Variants in RPS6KA3 observed in about 807,000 individuals in gnomAD.
RPS6KA3 encodes the protein ribosomal protein S6 kinase alpha-3.
A neutral mutation model predicts 67.2 loss-of-function variants in RPS6KA3; 4 were observed. That is an observed-to-expected ratio of 0.06 (90% confidence interval 0.03 to 0.14). The LOEUF (loss-of-function observed/expected upper bound fraction) is 0.14. Ranked by LOEUF, RPS6KA3 falls within the 10% of genes least tolerant of loss-of-function variation. The probability of loss-of-function intolerance (pLI) is 1.00; values close to 1 mark genes in which losing one functional copy is unlikely to be tolerated. For synonymous variants in RPS6KA3, 182 were observed against 183.7 expected (o/e 0.99, Z 0.07); for missense variants, 204 against 559.0 (o/e 0.36, Z 6.40).
At chrX:20,258,614 C>G (rs781576079) in intron 1 of RPS6KA3, among the ~76,000 whole-genome samples, 1 of 111,563 alleles carries the variant, frequency 9.0e-6, no homozygotes, top group African/African-American at 3.2e-5. Context: ...ATGACCAGGT[C>G]AGATTTGAAG....
chrX:20,202,557 C>T (rs57869492), intron 4 of RPS6KA3, among the ~76,000 whole-genome samples: 9,447 of 110,792 alleles, frequency 0.085, 781 homozygotes, highest in African/African-American at 0.26. Context: ...TCTGAATTAT[C>T]TTGTTAAGTT....
chrX:20,247,227 A>T (rs1455822047), intron 1 of RPS6KA3, among the ~76,000 whole-genome samples: 1 of 109,479 alleles, frequency 9.1e-6, no homozygotes, highest in South Asian at 3.9e-4. Flanking sequence ...GGAGTTCAAG[A>T]CCAGCCTGGC....
At chrX:20,250,067 C>A (rs2069820507) in intron 1 of RPS6KA3, among the ~76,000 whole-genome samples, 1 of 112,393 alleles carries the variant, frequency 8.9e-6, no homozygotes, top group Non-Finnish European at 1.9e-5. Context: ...GTTGGCTGTA[C>A]TTACGTGGGT....
At position 20,266,728 on chromosome X, in the gene RPS6KA3, C is replaced by G; in HGVS notation, c.-96G>C. 1 of 250,805 alleles carries G rather than the reference C, an allele frequency of 4.0e-6. No individual in the cohort carries two copies. Among genetic ancestry groups the G allele is most frequent in the South Asian group, 2.3e-4 (1 of 4,413 alleles). 20.7% of individuals were successfully genotyped at this position (250,805 alleles called of 1,213,427 possible). On this transcript the variant is annotated 5_prime_UTR_variant, in exon 1 of 22. Coordinates refer to ENST00000379565, the MANE Select transcript of RPS6KA3 (RefSeq NM_004586.3). ...CGCCGCCCGAGCCCCACGGCAGCGG[C>G]GGCGGCGGCGGCGGCGGCGGCAGCG...
chrX:20,179,723 A>T (rs747779844), intron 10 of RPS6KA3, among the ~76,000 whole-genome samples: 80 of 111,658 alleles, frequency 7.2e-4, no homozygotes, highest in South Asian at 1.5e-3. Flanking sequence ...AAGTAATTAA[A>T]TCATCATAGT....
intron 20 of RPS6KA3, among the ~76,000 whole-genome samples, chrX:20,159,022 T>C (rs1328557184): frequency 1.8e-5 from 2 of 112,422 alleles, no homozygotes; most frequent in Non-Finnish European, 3.8e-5. Flanking sequence ...CTACTTCTTT[T>C]GTATTCTACA....
intron 13 of RPS6KA3, among the ~76,000 whole-genome samples, 171 bp from the exon 14 acceptor site, chrX:20,175,459 T>C (rs1300900151): frequency 8.9e-6 from 1 of 112,312 alleles, no homozygotes; most frequent in Non-Finnish European, 1.9e-5. Flanking sequence ...TCTGTTCTGA[T>C]TGTGTATTGC....
intron 2 of RPS6KA3, among the ~76,000 whole-genome samples, chrX:20,230,388 A>G (rs1166001698): frequency 8.9e-6 from 1 of 112,063 alleles, no homozygotes; most frequent in Non-Finnish European, 1.9e-5. Flanking sequence ...GTCAAAGTGG[A>G]AGTGGTAGTT....
At chrX:20,248,203 G>A (rs2069754815) in intron 1 of RPS6KA3, among the ~76,000 whole-genome samples, 1 of 111,988 alleles carries the variant, frequency 8.9e-6, no homozygotes, top group South Asian at 3.7e-4. Flanking sequence ...TATCTAAGAG[G>A]ATAATTATAT....
At position 20,205,933 on chromosome X, in the gene RPS6KA3, A is replaced by G. The variant is rs1268919514; in HGVS notation, c.244-1830T>C. On this transcript the variant is annotated intron_variant, in intron 3 of 21. Coordinates refer to ENST00000379565, the MANE Select transcript of RPS6KA3 (RefSeq NM_004586.3). Reference sequence around the variant, plus strand: ...AATAAATCATCGTGTCAATTTTGGGAGGCAGACCTACTAGGCAATGCCTAT... The same window carrying G: ...AATAAATCATCGTGTCAATTTTGGGGGGCAGACCTACTAGGCAATGCCTAT... Among the ~76,000 whole-genome samples the G allele has an allele frequency of 2.7e-5, 3 of 112,503 alleles. No individual in the cohort carries two copies. In the East Asian group the frequency reaches 8.3e-4, roughly 31 times the overall value.
At chrX:20,250,138 C>T (rs1244878872) in intron 1 of RPS6KA3, among the ~76,000 whole-genome samples, 1 of 111,871 alleles carries the variant, frequency 8.9e-6, no homozygotes, top group Non-Finnish European at 1.9e-5. Context: ...GCCAATACTA[C>T]AGTATTTTGA....
At chrX:20,256,172 C>CA (rs35947983) in intron 1 of RPS6KA3, among the ~76,000 whole-genome samples, 7,053 of 14,158 alleles carry the variant, frequency 0.5, 1,926 homozygotes, top group African/African-American at 0.63. Context: ...GACACCGTCT[C>CA]AAAAAAAAAA....
intron 20 of RPS6KA3, among the ~76,000 whole-genome samples, chrX:20,161,195 T>C (rs1047213711): frequency 8.9e-6 from 1 of 112,215 alleles, no homozygotes; most frequent in Non-Finnish European, 1.9e-5. Flanking sequence ...GAATGAGGGC[T>C]GTGGAATCAT....
chrX:20,248,668 T>A (rs1320046990), intron 1 of RPS6KA3, among the ~76,000 whole-genome samples: 4 of 111,197 alleles, frequency 3.6e-5, no homozygotes, highest in African/African-American at 1.3e-4. Context: ...ATAAACTTTT[T>A]TTCTTACATT....
At chrX:20,184,397 CTTTTTTTTT>C (rs1176222205) in intron 10 of RPS6KA3, among the ~76,000 whole-genome samples, 1 of 86,466 alleles carries the variant, frequency 1.2e-5, no homozygotes, top group South Asian at 5.3e-4. Flanking sequence ...CATTACTTTT[CTTTTTTTTT>C]TTTTTTTTTT....
rs150533227 is a variant in RPS6KA3, at chrX:20,205,791, A to C, written c.244-1688T>G. ...TATTTAATCTTCCTTAAGATTCCCT[A>C]ACCATTCTGCAAGAAAAATTCTCCT... On this transcript the variant is annotated intron_variant, in intron 3 of 21. Coordinates refer to ENST00000379565, the MANE Select transcript of RPS6KA3 (RefSeq NM_004586.3). 1.1e-4 allele frequency among the ~76,000 whole-genome samples: 12 copies of C among 112,710 alleles called. No individual in the cohort carries two copies. In the East Asian group the frequency reaches 3.3e-3, roughly 31 times the overall value.
intron 2 of RPS6KA3, among the ~76,000 whole-genome samples, chrX:20,216,428 C>T (rs765425932): frequency 3.6e-5 from 4 of 110,836 alleles, no homozygotes; most frequent in East Asian, 2.8e-4. Flanking sequence ...CTCTTCTAGG[C>T]GCTGGGATAT....
chrX:20,192,852 C>T (rs201874385), intron 7 of RPS6KA3, among the ~76,000 whole-genome samples: 1 of 110,197 alleles, frequency 9.1e-6, no homozygotes, highest in East Asian at 2.8e-4. Flanking sequence ...CCAAAGTGCT[C>T]GGGTTACATG....
rs1742761489 is a variant in RPS6KA3 at position 20,151,471 on chromosome X, A to G, written c.*3927T>C. 1 of 112,463 alleles carries G rather than the reference A, an allele frequency of 8.9e-6. No homozygotes were observed. Among genetic ancestry groups the G allele is most frequent in the African/African-American group, 3.2e-5 (1 of 30,866 alleles). The allele number at this position is 112,463 out of a possible 1,213,427, so 9.3% of individuals were successfully genotyped here. A position where few individuals can be genotyped will look rare whatever the true frequency, so the allele number is the denominator to read the frequency against. ...AAGGCTCAAAGTATATATCCAGTTTAAAGTTAGTTACATGGCATTGGGCCT... is the reference window on the plus strand; with the variant it reads ...AAGGCTCAAAGTATATATCCAGTTTGAAGTTAGTTACATGGCATTGGGCCT... On this transcript the variant is annotated 3_prime_UTR_variant, in exon 22 of 22. Transcript: ENST00000379565.
Sources: allele counts gnomAD v4.1 joint callset (sites outside exome capture counted in the v4.1 genomes callset), GRCh38; gene constraint gnomAD v4.1.1; transcripts MANE v1.5; gene names NCBI Gene and HGNC (gene_info 2026-07-23, HGNC 2026-07-21).